Variants in STARD8 observed in about 807,000 individuals in gnomAD.
STARD8 encodes stAR-related lipid transfer protein 8.
STARD8 carries 25 observed loss-of-function variants against 69.4 expected under a neutral mutation model. The observed-to-expected ratio is 0.36, with a 90% CI of 0.26 to 0.50. The LOEUF is 0.50. Among genes scored for constraint, STARD8 ranks in the 20% least tolerant of loss-of-function variants. The pLI is 0.96. For synonymous variants in STARD8, 389 were observed against 374.6 expected (o/e 1.04, Z -0.45); for missense variants, 921 against 932.5 (o/e 0.99, Z 0.16).
At chrX:68,648,744 A>C (rs73634147) in intron 1 of STARD8, among the ~76,000 whole-genome samples, 1 of 112,266 alleles carries the variant, frequency 8.9e-6, no homozygotes, top group Admixed American at 9.4e-5. Context: ...AGTGTCTACT[A>C]TATCCTGGCC....
chrX:68,649,760 G>A (rs1465215368), intron 1 of STARD8, among the ~76,000 whole-genome samples: 1 of 110,911 alleles, frequency 9.0e-6, no homozygotes, highest in Admixed American at 9.7e-5. Context: ...ACTGTTTTGG[G>A]GAATAAGGGG....
At chrX:68,722,938 C>T (rs1312073628) in intron 12 of STARD8, among the ~76,000 whole-genome samples, 2 of 112,885 alleles carry the variant, frequency 1.8e-5, no homozygotes, top group African/African-American at 6.4e-5. Context: ...CTCCCTGCCC[C>T]GCAGTCCAGC....
chrX:68,664,883 T>C (rs1366203926), intron 1 of STARD8, among the ~76,000 whole-genome samples: 1 of 112,105 alleles, frequency 8.9e-6, no homozygotes, highest in East Asian at 2.8e-4. Context: ...ATTTATAGAG[T>C]GCTTAATCAT....
chrX:68,698,727 G>A (rs954799763), intron 2 of STARD8, among the ~76,000 whole-genome samples: 4 of 110,831 alleles, frequency 3.6e-5, no homozygotes, highest in African/African-American at 6.6e-5. Context: ...GTTGGGAAAC[G>A]GCTTCTGGTT....
At chrX:68,678,672 G>A (rs2079782309) in intron 2 of STARD8, among the ~76,000 whole-genome samples, 1 of 111,947 alleles carries the variant, frequency 8.9e-6, no homozygotes, top group Admixed American at 9.4e-5. Context: ...GTGCAGCCTG[G>A]CCTGGCTGCC....
intron 8 of STARD8, 99 bp downstream of exon 8, chrX:68,720,522 T>C: frequency 4.0e-6 from 4 of 994,243 alleles, no homozygotes; most frequent in Non-Finnish European, 5.3e-6. Context: ...GGAACTGCTC[T>C]GGCCTTCCCC....
intron 2 of STARD8, among the ~76,000 whole-genome samples, chrX:68,666,058 A>G (rs2079681607): frequency 9.0e-6 from 1 of 111,492 alleles, no homozygotes; most frequent in African/African-American, 3.3e-5. Flanking sequence ...CTCTCTCACA[A>G]GTTTCTGTGA....
At chrX:68,709,652 C>CA (rs2080034650) in intron 2 of STARD8, among the ~76,000 whole-genome samples, 1 of 109,486 alleles carries the variant, frequency 9.1e-6, no homozygotes, top group Admixed American at 9.8e-5. Flanking sequence ...CCTGTCTCTA[C>CA]AAAAAATAAA....
chrX:68,716,661 T>C (rs2080094006), intron 5 of STARD8, among the ~76,000 whole-genome samples: 1 of 110,748 alleles, frequency 9.0e-6, no homozygotes, highest in Admixed American at 9.5e-5. Flanking sequence ...CAGAGGCCTG[T>C]AGTCAGGTGG....
Position 68,691,992 on chromosome X carries a change from T to C in STARD8, c.80-20922T>C, listed in dbSNP as rs2079879964. On this transcript the variant is annotated intron_variant, in intron 2 of 14. Coordinates refer to ENST00000374599, the MANE Select transcript of STARD8 (RefSeq NM_001142503.3). ...TTTCCTGGAGTGGATGGAATTGGCT[T>C]TGACAAGGTTTCTTGCCCTTAGGGA... Among the ~76,000 whole-genome samples the C allele has an allele frequency of 2.7e-5, 3 of 112,581 alleles. No individual in the cohort carries two copies. In the Admixed American group the frequency reaches 2.8e-4, roughly 11 times the overall value.
intron 2 of STARD8, among the ~76,000 whole-genome samples, chrX:68,684,641 G>C (rs1728129008): frequency 2.7e-5 from 3 of 113,068 alleles, no homozygotes; most frequent in Admixed American, 9.3e-5. Flanking sequence ...GCAGCAGAAA[G>C]CTGGGCCCAG....
intron 1 of STARD8, among the ~76,000 whole-genome samples, chrX:68,657,645 G>T: frequency 8.9e-6 from 1 of 112,088 alleles, no homozygotes. Flanking sequence ...GGATAGCCAT[G>T]CTGAAGTGTG....
chrX:68,673,192 C>T (rs1602558223), intron 2 of STARD8, among the ~76,000 whole-genome samples: 1 of 111,770 alleles, frequency 8.9e-6, no homozygotes, highest in African/African-American at 3.3e-5. Flanking sequence ...AGAAAGAGTC[C>T]AAGTCTCCTT....
At chrX:68,653,672 A>G (rs1481018736) in intron 1 of STARD8, among the ~76,000 whole-genome samples, 1 of 71,076 alleles carries the variant, frequency 1.4e-5, no homozygotes, top group African/African-American at 5.6e-5. Flanking sequence ...ACACCCCCCA[A>G]CACACCACAC....
intron 1 of STARD8, among the ~76,000 whole-genome samples, chrX:68,653,232 C>CCA (rs1445463495): frequency 1.6e-5 from 1 of 62,420 alleles, no homozygotes; most frequent in Non-Finnish European, 3.1e-5. Flanking sequence ...ACACACCACA[C>CCA]CACACACACA....
chrX:68,657,239 T>A lies in STARD8; in HGVS notation c.46-8260T>A, dbSNP rs1158953545. ...TGTAGTAAGGATCAAATGAGAATGA[T>A]CCCAAAGCCTGTTGAGATGTTTATT... On this transcript the variant is annotated intron_variant, in intron 1 of 14. Transcript: ENST00000374599. Among the ~76,000 whole-genome samples the A allele has an allele frequency of 3.6e-5, 4 of 112,016 alleles. No homozygotes were observed. In the East Asian group the frequency reaches 1.1e-3, roughly 31 times the overall value.
At chrX:68,688,324 T>C (rs1182508931) in intron 2 of STARD8, among the ~76,000 whole-genome samples, 2 of 110,806 alleles carry the variant, frequency 1.8e-5, no homozygotes, top group African/African-American at 6.6e-5. Context: ...AGGGACAGGC[T>C]CAGCCAGCCT....
intron 2 of STARD8, among the ~76,000 whole-genome samples, chrX:68,678,631 A>G (rs1053082519): frequency 2.7e-5 from 3 of 111,887 alleles, no homozygotes; most frequent in African/African-American, 9.8e-5. Context: ...TTTTTACTTC[A>G]GTAGAGTTGG....
At position 68,717,264 on chromosome X, in the gene STARD8, T is replaced by C. The variant is rs1402294535; in HGVS notation, c.350T>C (p.Phe117Ser). ...EQCTISSHWA[F>S]QQESKCWSPM... ...TGTACCATCAGTAGCCACTGGGCCT[T>C]CCAGCAGGAAAGTAAGTGCTGGTCT... Residue 117 changes from phenylalanine to serine, a missense_variant, in exon 6 of 15, where the codon TTC becomes TCC. Transcript: ENST00000374599. 8.3e-7 allele frequency: 1 copy of C among 1,204,592 alleles called. No individual in the cohort carries two copies. The highest frequency in any genetic ancestry group is 3.0e-5 in the East Asian group (1 of 33,652).
Sources: allele counts gnomAD v4.1 joint callset (sites outside exome capture counted in the v4.1 genomes callset), GRCh38; gene constraint gnomAD v4.1.1; transcripts MANE v1.5; gene names NCBI Gene and HGNC (gene_info 2026-07-23, HGNC 2026-07-21).